The following SAMD12 variants were observed in gnomAD, a reference collection of about 807,000 sequenced individuals.
SAMD12 encodes the protein sterile alpha motif domain-containing protein 12.
Under a neutral mutation model 15.0 loss-of-function variants are expected in SAMD12, and 9 were observed. The ratio of observed to expected loss-of-function variants is 0.60; its 90% CI spans 0.36 to 1.05. SAMD12 has a LOEUF of 1.05. Among genes scored for constraint, SAMD12 ranks in the 50% least tolerant of loss-of-function variants. The pLI, the probability that SAMD12 is intolerant of heterozygous loss-of-function variation, is 0.01. For missense variants in SAMD12, 230 were observed against 234.2 expected (o/e 0.98, Z 0.12); for synonymous variants, 86 against 90.1 (o/e 0.96, Z 0.25).
intron 1 of SAMD12, among the ~76,000 whole-genome samples, chr8:118,619,565 G>T (rs1260095505): frequency 6.6e-6 from 1 of 151,284 alleles, no homozygotes; most frequent in African/African-American, 2.4e-5. Context: ...AAAGCCCCAT[G>T]TACCCTTATA....
intron 3 of SAMD12, among the ~76,000 whole-genome samples, chr8:118,396,807 A>C (rs1472624805): frequency 2.0e-5 from 3 of 152,184 alleles, no homozygotes; most frequent in African/African-American, 4.8e-5. Context: ...CCAGTTCGGA[A>C]CCTAGAGCTT....
chr8:118,289,768 G>C (rs1411507965), intron 4 of SAMD12, among the ~76,000 whole-genome samples: 1 of 152,106 alleles, frequency 6.6e-6, no homozygotes, highest in African/African-American at 2.4e-5. Context: ...AAAGGACATA[G>C]TTCTAAAGTT....
intron 4 of SAMD12, among the ~76,000 whole-genome samples, chr8:118,369,813 A>C (rs180954885): frequency 8.1e-4 from 124 of 152,310 alleles, no homozygotes; most frequent in Admixed American, 8.0e-3. Context: ...CAAACTACAA[A>C]AACTGTAGAA....
chr8:118,417,602 ATAAT>A (rs1305394026), intron 3 of SAMD12, among the ~76,000 whole-genome samples: 2 of 152,252 alleles, frequency 1.3e-5, no homozygotes, highest in East Asian at 1.9e-4. Context: ...TAATCAGTAA[ATAAT>A]TAAACTTCAA....
rs375621211 is a variant in SAMD12, at chr8:118,582,904, CTTTT to C, written c.14-2015_14-2012del. Among the ~76,000 whole-genome samples the C allele has an allele frequency of 6.8e-5, 10 of 146,190 alleles. No homozygotes were observed. The South Asian group carries it at 2.2e-3, about 32-fold the overall frequency. On this transcript the variant is annotated intron_variant, in intron 1 of 3. Coordinates refer to ENST00000314727, the MANE Select transcript of SAMD12 (RefSeq NM_207506.3). ...CTCGGTAGTTTCATCAAGCACTGTG[CTTTT>C]TTTTTTTTCTTTCTCCATTCTATTA...
At chr8:118,320,679 G>GT (rs1303802440) in intron 4 of SAMD12, among the ~76,000 whole-genome samples, 1 of 146,318 alleles carries the variant, frequency 6.8e-6, no homozygotes, top group Non-Finnish European at 1.5e-5. Flanking sequence ...GGGTGGGGGG[G>GT]GTGGGGAGGG....
chr8:118,398,993 C>G (rs1820732712), intron 3 of SAMD12, among the ~76,000 whole-genome samples: 1 of 152,090 alleles, frequency 6.6e-6, no homozygotes, highest in Admixed American at 6.6e-5. Context: ...AAGTGGTTCT[C>G]CCACCTCAGC....
intron 1 of SAMD12, among the ~76,000 whole-genome samples, chr8:118,609,109 A>C (rs535000937): frequency 3.9e-4 from 60 of 152,382 alleles, no homozygotes; most frequent in African/African-American, 1.4e-3. Context: ...ATACATTTTT[A>C]AAAGATAGAA....
At chr8:118,398,699 G>A (rs1166857786) in intron 3 of SAMD12, among the ~76,000 whole-genome samples, 1 of 152,130 alleles carries the variant, frequency 6.6e-6, no homozygotes, top group Non-Finnish European at 1.5e-5. Context: ...GGGGAGAAAG[G>A]TTGTGAAGAG....
At chr8:118,434,562 A>G (rs1471313121) in intron 3 of SAMD12, among the ~76,000 whole-genome samples, 1 of 152,226 alleles carries the variant, frequency 6.6e-6, no homozygotes, top group Non-Finnish European at 1.5e-5. Context: ...CCACCACAGG[A>G]AGAAACTTCA....
intron 4 of SAMD12, among the ~76,000 whole-genome samples, chr8:118,262,885 G>A (rs909958856): frequency 1.3e-5 from 2 of 151,992 alleles, no homozygotes; most frequent in African/African-American, 4.8e-5. Flanking sequence ...ACTGGGGGAG[G>A]CACTCAAATA....
At chr8:118,135,510 A>G in the SAMD12 span, among the ~76,000 whole-genome samples, 1 of 151,052 alleles carries the variant, frequency 6.6e-6, no homozygotes. Flanking sequence ...GACAGACTTG[A>G]ATGAGGAATT....
chr8:118,328,383 G>C (rs1816658095), intron 4 of SAMD12, among the ~76,000 whole-genome samples: 2 of 152,088 alleles, frequency 1.3e-5, no homozygotes, highest in South Asian at 4.1e-4. Flanking sequence ...TTCTGTTTCA[G>C]ATTATTGGCA....
intron 2 of SAMD12, among the ~76,000 whole-genome samples, chr8:118,483,769 C>T (rs1824196736): frequency 6.6e-6 from 1 of 152,112 alleles, no homozygotes; most frequent in African/African-American, 2.4e-5. Flanking sequence ...GGATCTTTGG[C>T]ATACTATTTG....
chr8:118,460,417 A>C (rs1823381312), intron 2 of SAMD12, among the ~76,000 whole-genome samples: 1 of 152,224 alleles, frequency 6.6e-6, no homozygotes, highest in African/African-American at 2.4e-5. Flanking sequence ...AGAGTCTCAG[A>C]GAGACAGGAG....
At chr8:118,291,917 C>A (rs145373447) in intron 4 of SAMD12, among the ~76,000 whole-genome samples, 1 of 151,226 alleles carries the variant, frequency 6.6e-6, no homozygotes, top group Non-Finnish European at 1.5e-5. Flanking sequence ...GCAATGGATC[C>A]TAAGCATGCT....
chr8:118,537,034 A>G (rs1371700806), intron 2 of SAMD12, among the ~76,000 whole-genome samples: 1 of 152,098 alleles, frequency 6.6e-6, no homozygotes. Flanking sequence ...TTGGAAGGAT[A>G]TTTTTGCTGG....
At chr8:118,469,518 T>TATATA (rs1823713194) in intron 2 of SAMD12, among the ~76,000 whole-genome samples, 1 of 1,818 alleles carries the variant, frequency 5.5e-4, no homozygotes. Flanking sequence ...TAATATATAA[T>TATATA]ATATATAATA....
chr8:118,544,560 G>A (rs1826071769), intron 2 of SAMD12, among the ~76,000 whole-genome samples: 2 of 152,274 alleles, frequency 1.3e-5, no homozygotes, highest in South Asian at 4.1e-4. Flanking sequence ...TTGCTCCAGG[G>A]ATTTCACCCC....
Sources: allele counts gnomAD v4.1 joint callset (sites outside exome capture counted in the v4.1 genomes callset), GRCh38; gene constraint gnomAD v4.1.1; transcripts MANE v1.5; gene names NCBI Gene and HGNC (gene_info 2026-07-23, HGNC 2026-07-21).